The following PCNX2 variants were observed in gnomAD, a reference collection of about 807,000 sequenced individuals.
PCNX2 encodes pecanex-like protein 2.
A neutral mutation model predicts 223.8 loss-of-function variants in PCNX2; 168 were observed. That is an observed-to-expected ratio of 0.75 (90% CI 0.66 to 0.85). PCNX2 has a LOEUF of 0.85. Among genes scored for constraint, PCNX2 ranks in the 40% least tolerant of loss-of-function variants. PCNX2 has a pLI of 0.00. For missense variants in PCNX2, 2,507 were observed against 2,675.5 expected (o/e 0.94, Z 1.39); for synonymous variants, 1,006 against 1,052.6 (o/e 0.96, Z 0.86).
chr1:233,318,765 C>G, the PCNX2 span, among the ~76,000 whole-genome samples: 1 of 151,964 alleles, frequency 6.6e-6, no homozygotes, highest in African/African-American at 2.4e-5. Context: ...TGGGGTTTCA[C>G]CATGTTGACC....
At chr1:233,125,683 C>A (rs1676055315) in intron 21 of PCNX2, among the ~76,000 whole-genome samples, 1 of 152,160 alleles carries the variant, frequency 6.6e-6, no homozygotes, top group Admixed American at 6.5e-5. Context: ...TTCTCCCCCA[C>A]CCGAAGACTT....
At chr1:233,193,744 T>A (rs1221458306) in intron 15 of PCNX2, among the ~76,000 whole-genome samples, 8 of 152,168 alleles carry the variant, frequency 5.3e-5, no homozygotes, top group African/African-American at 1.9e-4. Flanking sequence ...AAATGAAAAC[T>A]ATCTACAGAC....
At position 233,000,512 on chromosome 1, in the gene PCNX2, C is replaced by T. The variant is rs960918239; in HGVS notation, c.5121G>A (p.Glu1707=). The change falls in exon 30 of 34, where the codon GAG becomes GAA. Residue 1707 remains glutamate (E), a synonymous_variant. Coordinates refer to ENST00000258229, the MANE Select transcript of PCNX2 (RefSeq NM_014801.4). The surrounding 1 kb of genome is among the most constrained non-coding windows in gnomAD (Gnocchi z 4.6). The part of the protein sequence containing the change: ...LHQDQFTCPD[E]YEDPAVLYEA... ...CGTAGAGGACTGCTGGGTCTTCATA[C>T]TCGTCAGGGCAAGTGAACTGGTCCT... is the stretch of plus-strand genomic sequence containing the variant. 1.2e-6 allele frequency: 2 copies of T among 1,600,016 alleles called. No homozygotes were observed. Among genetic ancestry groups the T allele is most frequent in the Non-Finnish European group, 1.7e-6 (2 of 1,176,056 alleles).
At chr1:233,203,951 G>A (rs933783692) in intron 13 of PCNX2, among the ~76,000 whole-genome samples, 3 of 152,106 alleles carry the variant, frequency 2.0e-5, no homozygotes, top group East Asian at 1.9e-4. Flanking sequence ...ACAATAAATC[G>A]ACGGGAAAAA....
chr1:233,285,355 G>T (rs947758916), intron 1 of PCNX2, among the ~76,000 whole-genome samples: 2 of 151,816 alleles, frequency 1.3e-5, no homozygotes, highest in Non-Finnish European at 2.9e-5. Flanking sequence ...TCTCTAAAAA[G>T]AAATAATAAT....
chr1:232,998,563 G>A, intron 31 of PCNX2, 125 bp from the exon 32 acceptor site: 1 of 934,334 alleles, frequency 1.1e-6, no homozygotes, highest in Non-Finnish European at 1.6e-6. Flanking sequence ...AGCCCACCTG[G>A]CATGCTGGTG....
chr1:233,008,688 C>T (rs1166024239), intron 28 of PCNX2, among the ~76,000 whole-genome samples: 1 of 152,156 alleles, frequency 6.6e-6, no homozygotes, highest in African/African-American at 2.4e-5. Context: ...TGGATGTGTC[C>T]AAGTAAGCTG....
At chr1:233,012,061 G>A (rs1250991873) in intron 28 of PCNX2, among the ~76,000 whole-genome samples, 1 of 152,098 alleles carries the variant, frequency 6.6e-6, no homozygotes, top group Non-Finnish European at 1.5e-5. Context: ...CCACAGAAGT[G>A]GTGCTTGCTT....
At chr1:233,290,304 G>T (rs1174926359) in intron 1 of PCNX2, among the ~76,000 whole-genome samples, 1 of 152,164 alleles carries the variant, frequency 6.6e-6, no homozygotes, top group East Asian at 1.9e-4. Flanking sequence ...TATGTAGGAA[G>T]AAACAGACCG....
At chr1:233,008,182 A>G (rs759664521) in intron 28 of PCNX2, among the ~76,000 whole-genome samples, 3 of 152,182 alleles carry the variant, frequency 2.0e-5, no homozygotes, top group Non-Finnish European at 4.4e-5. Flanking sequence ...TCTTTATCCA[A>G]GAAGTTACTC....
the PCNX2 span, among the ~76,000 whole-genome samples, chr1:233,308,480 AAAAG>A: frequency 1.3e-5 from 2 of 149,720 alleles, no homozygotes; most frequent in African/African-American, 2.4e-5. Context: ...AAAAGAAAGA[AAAAG>A]AAAAAGAAAA....
intron 15 of PCNX2, among the ~76,000 whole-genome samples, 195 bp downstream of exon 15, chr1:233,198,744 C>T (rs1429840782): frequency 6.6e-6 from 1 of 152,168 alleles, no homozygotes; most frequent in African/African-American, 2.4e-5. Context: ...GGTGGGGGGC[C>T]TTTCACATTA....
At chr1:233,268,606 C>T (rs767026657) in intron 1 of PCNX2, among the ~76,000 whole-genome samples, 30 of 152,302 alleles carry the variant, frequency 2.0e-4, no homozygotes, top group Non-Finnish European at 3.8e-4. Flanking sequence ...GCTCACAGAA[C>T]TCCTCCTTTC....
At chr1:233,232,611 T>C (rs571731121) in intron 9 of PCNX2, among the ~76,000 whole-genome samples, 1 of 152,292 alleles carries the variant, frequency 6.6e-6, no homozygotes, top group African/African-American at 2.4e-5. Context: ...GAAAAATAAA[T>C]GTTACGATAT....
chr1:233,290,602 C>G (rs1661706021), intron 1 of PCNX2: 1 of 419,124 alleles, frequency 2.4e-6, no homozygotes, highest in Admixed American at 6.4e-5. Flanking sequence ...TGCAGACTGT[C>G]ATAGAAATGT....
chr1:233,237,020 T>C (rs779783754), intron 8 of PCNX2, 40 bp from the exon 9 acceptor site: 3 of 1,611,194 alleles, frequency 1.9e-6, no homozygotes, highest in Non-Finnish European at 2.5e-6. Flanking sequence ...TACCTGGTAA[T>C]ACCAGAAGTC....
chr1:233,306,756 CCCTTGGTGTG>C, the PCNX2 span, among the ~76,000 whole-genome samples: 102 of 152,222 alleles, frequency 6.7e-4, no homozygotes, highest in African/African-American at 2.4e-3. Flanking sequence ...ATTTGATTTT[CCCTTGGTGTG>C]TTTATCAATT....
At chr1:233,303,797 G>C in the PCNX2 span, among the ~76,000 whole-genome samples, 1 of 151,914 alleles carries the variant, frequency 6.6e-6, no homozygotes, top group East Asian at 1.9e-4. Flanking sequence ...GTCACCTCAG[G>C]GTTCTTCTGG....
intron 16 of PCNX2, among the ~76,000 whole-genome samples, chr1:233,178,586 C>G (rs541874631): frequency 6.6e-6 from 1 of 152,168 alleles, no homozygotes; most frequent in Non-Finnish European, 1.5e-5. Context: ...ATCCAGAGGA[C>G]GTTGGCCAGA....
Sources: gnomAD v4.1 joint callset for allele counts (sites outside exome capture counted in the v4.1 genomes callset) on GRCh38, gnomAD v4.1.1 for gene constraint, Gnocchi (gnomAD v3.1) non-coding constraint, MANE v1.5 for transcripts, NCBI Gene and HGNC (gene_info 2026-07-23, HGNC 2026-07-21) for gene names.